Variants in HGSNAT observed in about 807,000 individuals in gnomAD.
HGSNAT encodes the protein transmembrane protein 76.
In HGSNAT, 59 loss-of-function variants were observed where a neutral mutation model predicts 85.2. The ratio of observed to expected loss-of-function variants is 0.69; its 90% CI spans 0.56 to 0.86. The LOEUF (loss-of-function observed/expected upper bound fraction) is 0.86. Among genes scored for constraint, HGSNAT ranks in the 40% least tolerant of loss-of-function variants. The pLI is 0.00. For missense variants in HGSNAT, 756 were observed against 777.1 expected (o/e 0.97, Z 0.32); for synonymous variants, 321 against 304.5 (o/e 1.05, Z -0.56).
Position 43,200,150 on chromosome 8 carries a change from T to G in HGSNAT, c.*581T>G, listed in dbSNP as rs772452020. 6.6e-6 allele frequency: 1 copy of G among 152,246 alleles called. No homozygotes were observed. Among genetic ancestry groups the G allele is most frequent in the Non-Finnish European group, 1.5e-5 (1 of 68,040 alleles). 9.4% of individuals were successfully genotyped at this position (152,246 alleles called of 1,614,324 possible). On this transcript the variant is annotated 3_prime_UTR_variant, in exon 18 of 18. Coordinates refer to ENST00000379644, the MANE Select transcript of HGSNAT (RefSeq NM_152419.3). Reference sequence around the variant, plus strand: ...TCCAAAAAATGTCTATCACAAGCCATTTTTTCCTTTTCCTCTCTCGAAAAG... The same window carrying G: ...TCCAAAAAATGTCTATCACAAGCCAGTTTTTCCTTTTCCTCTCTCGAAAAG...
Position 43,199,961 on chromosome 8 carries a change from G to A in HGSNAT, c.*392G>A, listed in dbSNP as rs1277551374. 1 of 157,984 alleles carries A rather than the reference G, an allele frequency of 6.3e-6. No individual in the cohort carries two copies. The highest frequency in any genetic ancestry group is 6.5e-5 in the Admixed American group (1 of 15,476). The allele number at this position is 157,984 out of a possible 1,614,324, so 9.8% of individuals were successfully genotyped here. A position where few individuals can be genotyped will look rare whatever the true frequency, so the allele number is the denominator to read the frequency against. On this transcript the variant is annotated 3_prime_UTR_variant, in exon 18 of 18. Transcript: ENST00000379644. The stretch of plus-strand genomic sequence containing the variant: ...TGCCCTGCAAACTTCCTTTCCACGT[G>A]TACGCGCACACCAACACGAAATGCC...
At chr8:43,194,463 G>A (rs370256906) in intron 14 of HGSNAT, 1 of 985,432 alleles carries the variant, frequency 1.0e-6, no homozygotes, top group East Asian at 1.1e-4. Context: ...ACATTGGGAA[G>A]TCACTGTGTC....
At chr8:43,146,288 A>G (rs1802708196) in intron 1 of HGSNAT, among the ~76,000 whole-genome samples, 1 of 152,158 alleles carries the variant, frequency 6.6e-6, no homozygotes, top group Non-Finnish European at 1.5e-5. Flanking sequence ...TCCAAAACAA[A>G]GTGATAGAAA....
At chr8:43,147,132 T>C in intron 2 of HGSNAT, 69 bp downstream of exon 2, 1 of 842,508 alleles carries the variant, frequency 1.2e-6, no homozygotes, top group Non-Finnish European at 1.9e-6. Context: ...AATGCTCTCA[T>C]GTCTAAAGCC....
chr8:43,153,435 C>T (rs558574149), intron 2 of HGSNAT, among the ~76,000 whole-genome samples: 6 of 151,964 alleles, frequency 3.9e-5, no homozygotes, highest in South Asian at 2.1e-4. Flanking sequence ...TCAAGTGATC[C>T]GCCCACCTCG....
intron 1 of HGSNAT, among the ~76,000 whole-genome samples, chr8:43,141,424 C>G (rs1054335736): frequency 6.6e-6 from 1 of 152,158 alleles, no homozygotes; most frequent in Non-Finnish European, 1.5e-5. Flanking sequence ...AACTGGCTTG[C>G]TCTCCGAACT....
chr8:43,191,201 ATATG>A (rs1461434541), intron 11 of HGSNAT, among the ~76,000 whole-genome samples: 1 of 152,156 alleles, frequency 6.6e-6, no homozygotes. Flanking sequence ...CAATGCTCCT[ATATG>A]TATGTGTACA....
intron 4 of HGSNAT, 84 bp downstream of exon 4, chr8:43,159,128 C>A: frequency 7.2e-7 from 1 of 1,394,800 alleles, no homozygotes. Context: ...GCAAAGCAGT[C>A]CATGACGCTT....
rs867967305 is a variant in HGSNAT at position 43,180,113 on chromosome 8, C to T, written c.1012+1879C>T. On this transcript the variant is annotated intron_variant, in intron 10 of 17. Coordinates refer to ENST00000379644, the MANE Select transcript of HGSNAT (RefSeq NM_152419.3). Reference sequence around the variant, plus strand: ...GGGGCGGCTGGCCGACCCCCCCCCCCACCGCCTCCCTCCCGGATGGGGCGG... The same window carrying T: ...GGGGCGGCTGGCCGACCCCCCCCCCTACCGCCTCCCTCCCGGATGGGGCGG... Among the ~76,000 whole-genome samples the T allele has an allele frequency of 8.5e-4, 71 of 83,538 alleles. 3 individuals are homozygous for T. Among genetic ancestry groups the T allele is most frequent in the African/African-American group, 4.2e-3 (64 of 15,252 alleles). The allele number at this position is 83,538 out of a possible 152,430, so 54.8% of individuals were successfully genotyped here. A position where few individuals can be genotyped will look rare whatever the true frequency, so the allele number is the denominator to read the frequency against.
At chr8:43,147,139 A>G (rs987771436) in intron 2 of HGSNAT, 76 bp downstream of exon 2, 2 of 795,394 alleles carry the variant, frequency 2.5e-6, no homozygotes, top group African/African-American at 3.6e-5. Flanking sequence ...TCATGTCTAA[A>G]GCCCTTCACA....
In HGSNAT at chr8:43,199,823, T is replaced by C; in HGVS notation, c.*254T>C. On this transcript the variant is annotated 3_prime_UTR_variant, in exon 18 of 18. Transcript: ENST00000379644. ...CCATCTTCTGTGGAAATGGATGTCT[T>C]TGGAACTTCATTCCGAGGAGATAAG... 3.2e-6 allele frequency: 1 copy of C among 312,504 alleles called. No individual in the cohort carries two copies. Among genetic ancestry groups the C allele is most frequent in the Non-Finnish European group, 5.8e-6 (1 of 172,050 alleles). 19.4% of individuals were successfully genotyped at this position (312,504 alleles called of 1,614,324 possible).
intron 5 of HGSNAT, among the ~76,000 whole-genome samples, chr8:43,163,516 T>C (rs1205471824): frequency 2.0e-5 from 3 of 151,456 alleles, no homozygotes; most frequent in Non-Finnish European, 4.4e-5. Context: ...CTTCTCCTTT[T>C]CACCCTTTTT....
intron 11 of HGSNAT, among the ~76,000 whole-genome samples, chr8:43,188,283 T>C (rs542691392): frequency 4.5e-4 from 68 of 152,366 alleles, no homozygotes; most frequent in African/African-American, 1.6e-3. Context: ...GGTACACCAA[T>C]CAGACACAGA....
intron 11 of HGSNAT, among the ~76,000 whole-genome samples, chr8:43,190,026 G>A (rs779730451): frequency 1.3e-5 from 2 of 152,162 alleles, no homozygotes; most frequent in African/African-American, 4.8e-5. Flanking sequence ...TTCATGTAAC[G>A]TTTTGGTATC....
intron 10 of HGSNAT, among the ~76,000 whole-genome samples, chr8:43,179,500 C>T (rs1803958904): frequency 8.6e-5 from 11 of 127,558 alleles, no homozygotes; most frequent in Admixed American, 7.2e-4. Flanking sequence ...GGGCTGACCC[C>T]CCCCACCTCC....
chr8:43,141,722 C>T (rs571497609), intron 1 of HGSNAT, among the ~76,000 whole-genome samples: 1 of 152,096 alleles, frequency 6.6e-6, no homozygotes, highest in African/African-American at 2.4e-5. Flanking sequence ...GGAAAAGCGG[C>T]TCAGAGGATT....
At chr8:43,183,714 C>A (rs1804213067) in intron 11 of HGSNAT, among the ~76,000 whole-genome samples, 1 of 152,052 alleles carries the variant, frequency 6.6e-6, no homozygotes, top group South Asian at 2.1e-4. Flanking sequence ...TATACATGTG[C>A]CATGTTGGTA....
At chr8:43,188,770 A>G (rs912901246) in intron 11 of HGSNAT, among the ~76,000 whole-genome samples, 6 of 152,034 alleles carry the variant, frequency 3.9e-5, no homozygotes, top group Admixed American at 2.6e-4. Context: ...TTTTCTCCCC[A>G]TCTTTGTGGT....
At chr8:43,182,396 C>G (rs945410405) in intron 11 of HGSNAT, 136 bp downstream of exon 11, 1 of 771,208 alleles carries the variant, frequency 1.3e-6, no homozygotes, top group Non-Finnish European at 2.3e-6. Context: ...CCTTGGCCAC[C>G]CAAAGCGCCG....
Sources: allele counts gnomAD v4.1 joint callset (sites outside exome capture counted in the v4.1 genomes callset), GRCh38; gene constraint gnomAD v4.1.1; transcripts MANE v1.5; gene names NCBI Gene and HGNC (gene_info 2026-07-23, HGNC 2026-07-21).